LRRFIP2: variants seen among roughly 807,000 people sequenced by gnomAD.
The protein encoded by LRRFIP2 is LRR binding FLII interacting protein 2, also known as leucine-rich repeat flightless-interacting protein 2.
LRRFIP2 carries 109 observed loss-of-function variants against 125.9 expected under a neutral mutation model. That is an observed-to-expected ratio of 0.87 (90% CI 0.74 to 1.01). LRRFIP2 has a LOEUF of 1.01. Ranked by LOEUF, LRRFIP2 falls within the 50% of genes least tolerant of loss-of-function variation. The pLI, the probability that LRRFIP2 is intolerant of heterozygous loss-of-function variation, is 0.00. For missense variants in LRRFIP2, 850 were observed against 862.3 expected (o/e 0.99, Z 0.18); for synonymous variants, 291 against 293.1 (o/e 0.99, Z 0.07).
chr3:37,119,406 G>A (rs1169539614), intron 6 of LRRFIP2, among the ~76,000 whole-genome samples: 1 of 151,998 alleles, frequency 6.6e-6, no homozygotes, highest in Non-Finnish European at 1.5e-5. Context: ...TTGTTTTAAA[G>A]GCCCCCAAAT....
chr3:37,070,744 A>T (rs1258609688), intron 21 of LRRFIP2, among the ~76,000 whole-genome samples: 1 of 152,096 alleles, frequency 6.6e-6, no homozygotes, highest in African/African-American at 2.4e-5. Context: ...AAAGAATACT[A>T]AAATAAAATA....
chr3:37,139,607 C>T (rs921006616), intron 2 of LRRFIP2, among the ~76,000 whole-genome samples: 4 of 152,100 alleles, frequency 2.6e-5, no homozygotes, highest in Non-Finnish European at 5.9e-5. Context: ...GAAGAGCTGC[C>T]TCTTCTGTTG....
At chr3:37,126,433 T>A (rs2095275803) in intron 4 of LRRFIP2, among the ~76,000 whole-genome samples, 1 of 152,112 alleles carries the variant, frequency 6.6e-6, no homozygotes, top group African/African-American at 2.4e-5. Context: ...CAGGTCCAAG[T>A]CCTGCCCATA....
At chr3:37,058,942 T>G in intron 24 of LRRFIP2, 32 bp from the exon 25 acceptor site, 1 of 1,611,960 alleles carries the variant, frequency 6.2e-7, no homozygotes, top group Non-Finnish European at 8.5e-7. Flanking sequence ...ATCAGCAAGA[T>G]CCAATCTCTC....
At chr3:37,088,799 TA>T (rs1369617027) in intron 18 of LRRFIP2, among the ~76,000 whole-genome samples, 2 of 151,068 alleles carry the variant, frequency 1.3e-5, no homozygotes, top group African/African-American at 2.4e-5. Flanking sequence ...ACCTTGTCTC[TA>T]AAAAAAAATT....
chr3:37,122,773 C>A (rs1250132118), intron 4 of LRRFIP2, among the ~76,000 whole-genome samples: 2 of 152,050 alleles, frequency 1.3e-5, no homozygotes, highest in Non-Finnish European at 2.9e-5. Flanking sequence ...ATGATTGCAG[C>A]CTAACAGTTG....
chr3:37,114,948 A>G, intron 7 of LRRFIP2, 106 bp downstream of exon 7: 1 of 890,298 alleles, frequency 1.1e-6, no homozygotes, highest in Non-Finnish European at 1.8e-6. Flanking sequence ...ATTTTCCCCA[A>G]AAGTTCATAA....
Position 37,054,287 on chromosome 3 carries a change from A to ATTAG in LRRFIP2, c.2055+120_2055+123dup, listed in dbSNP as rs2086180131. The ATTAG allele has an allele frequency of 5.3e-6, 4 of 749,746 alleles. No homozygotes were observed. In the Admixed American group the frequency reaches 7.9e-5, roughly 15 times the overall value. The allele number at this position is 749,746 out of a possible 1,614,324, so 46.4% of individuals were successfully genotyped here. A position where few individuals can be genotyped will look rare whatever the true frequency, so the allele number is the denominator to read the frequency against. On this transcript the variant is annotated intron_variant, in intron 27 of 27. Transcript: ENST00000336686. Reference sequence around the variant, plus strand: ...CTATGCAGGTCAAAAACCAACACAAATTAGTTAAGTGACTCCACTGCTGTT... The same window carrying ATTAG: ...CTATGCAGGTCAAAAACCAACACAAATTAGTTAGTTAAGTGACTCCACTGCTGTT...
At chr3:37,078,919 C>G (rs1294130515) in intron 19 of LRRFIP2, among the ~76,000 whole-genome samples, 1 of 152,160 alleles carries the variant, frequency 6.6e-6, no homozygotes, top group Non-Finnish European at 1.5e-5. Flanking sequence ...AGAATAAAAG[C>G]TGCAATGCAA....
intron 25 of LRRFIP2, among the ~76,000 whole-genome samples, chr3:37,057,594 C>T (rs1291568918): frequency 3.3e-5 from 5 of 150,290 alleles, no homozygotes; most frequent in African/African-American, 4.9e-5. Flanking sequence ...TCTCAAACTT[C>T]TGAGCTCAAG....
intron 18 of LRRFIP2, among the ~76,000 whole-genome samples, chr3:37,085,820 G>A (rs983561768): frequency 7.2e-4 from 109 of 152,104 alleles, no homozygotes; most frequent in Non-Finnish European, 7.6e-4. Flanking sequence ...CTGACCTCAT[G>A]ATCTGCCCAC....
chr3:37,171,295 C>A (rs1353629210), intron 1 of LRRFIP2, among the ~76,000 whole-genome samples: 1 of 152,170 alleles, frequency 6.6e-6, no homozygotes, highest in Non-Finnish European at 1.5e-5. Context: ...GCCTTCCTGA[C>A]TTGCAAGAGG....
rs772152883 is a variant in LRRFIP2, at chr3:37,054,404, G to C, written c.2055+7C>G. ...GTATTCTCCAAGAAACATATTAAAAGAAGTACCTCTCGTTGTAGCTTCCGT... is the reference window on the plus strand; with the variant it reads ...GTATTCTCCAAGAAACATATTAAAACAAGTACCTCTCGTTGTAGCTTCCGT... On this transcript the variant is annotated splice_region_variant and intron_variant, in intron 27 of 27. Coordinates refer to ENST00000336686, the MANE Select transcript of LRRFIP2 (RefSeq NM_006309.4). 6.2e-7 allele frequency: 1 copy of C among 1,600,462 alleles called. No individual in the cohort carries two copies. Among genetic ancestry groups the C allele is most frequent in the Non-Finnish European group, 8.6e-7 (1 of 1,168,532 alleles).
At chr3:37,112,669 TTAA>T (rs1176571630) in intron 8 of LRRFIP2, among the ~76,000 whole-genome samples, 1 of 152,182 alleles carries the variant, frequency 6.6e-6, no homozygotes, top group Non-Finnish European at 1.5e-5. Context: ...CAAAGGACAA[TTAA>T]TAAATGAAAA....
In LRRFIP2 at chr3:37,108,640, T is replaced by G. The variant is rs1210588800; in HGVS notation, c.654A>C (p.Arg218=). 6.2e-7 allele frequency: 1 copy of G among 1,608,474 alleles called. No individual in the cohort carries two copies. Among genetic ancestry groups the G allele is most frequent in the Non-Finnish European group, 8.5e-7 (1 of 1,175,264 alleles). ...ACCTTCCCCTATTTAGACTTACAGT[T>G]CGAGGACCATAAGGGTTATATAATC... ...NGGLYNPYGP[R]TPSECSYYSS... is the part of the protein sequence containing the mutation. Residue 218 remains arginine (R), a synonymous_variant, in exon 12 of 28, where the codon CGA becomes CGC. Coordinates refer to ENST00000336686, the MANE Select transcript of LRRFIP2 (RefSeq NM_006309.4).
chr3:37,123,589 T>C (rs942461761), intron 4 of LRRFIP2, among the ~76,000 whole-genome samples: 1 of 152,200 alleles, frequency 6.6e-6, no homozygotes, highest in African/African-American at 2.4e-5. Context: ...TTTGGGGGCA[T>C]GTGTGTTAGC....
chr3:37,171,412 G>A (rs1275074754), intron 1 of LRRFIP2, among the ~76,000 whole-genome samples: 1 of 152,002 alleles, frequency 6.6e-6, no homozygotes, highest in Non-Finnish European at 1.5e-5. Context: ...CATGAGTTCC[G>A]ACTTCATCAA....
intron 19 of LRRFIP2, among the ~76,000 whole-genome samples, chr3:37,076,870 A>C (rs987197981): frequency 1.3e-5 from 2 of 152,226 alleles, no homozygotes; most frequent in African/African-American, 4.8e-5. Context: ...CTGTCTTAAA[A>C]AACAAACAAA....
chr3:37,056,333 C>T (rs1274817683), intron 25 of LRRFIP2, among the ~76,000 whole-genome samples: 1 of 152,106 alleles, frequency 6.6e-6, no homozygotes, highest in Non-Finnish European at 1.5e-5. Flanking sequence ...ATAAGATTTG[C>T]AAAAGATAAA....
Sources: allele counts gnomAD v4.1 joint callset (sites outside exome capture counted in the v4.1 genomes callset), GRCh38; gene constraint gnomAD v4.1.1; transcripts MANE v1.5; gene names NCBI Gene and HGNC (gene_info 2026-07-23, HGNC 2026-07-21).